DROSHA: variants seen among roughly 807,000 people sequenced by gnomAD.
The protein encoded by DROSHA is ribonuclease 3.
DROSHA carries 56 observed loss-of-function variants against 181.9 expected under a neutral mutation model. The ratio of observed to expected loss-of-function variants is 0.31; its 90% CI spans 0.25 to 0.38. DROSHA has a LOEUF of 0.38. Among genes scored for constraint, DROSHA ranks in the 10% least tolerant of loss-of-function variants. DROSHA has a pLI of 1.00. For synonymous variants in DROSHA, 524 were observed against 591.2 expected (o/e 0.89, Z 1.65); for missense variants, 1,218 against 1,743.5 (o/e 0.70, Z 5.37).
Position 31,412,385 on chromosome 5 carries a change from A to C in DROSHA, c.3526-1498T>G, listed in dbSNP as rs537091951. On this transcript the variant is annotated intron_variant, in intron 30 of 35. Transcript: ENST00000344624. ...GGACGAGGAACAGGAAGCAGCTGTGAGTTGTGCTGGTATTCCACTCCCTGC... is the reference window on the plus strand; with the variant it reads ...GGACGAGGAACAGGAAGCAGCTGTGCGTTGTGCTGGTATTCCACTCCCTGC... Among the ~76,000 whole-genome samples the C allele has an allele frequency of 3.9e-5, 6 of 152,316 alleles. No homozygotes were observed. The East Asian group carries it at 1.2e-3, about 29-fold the overall frequency.
intron 14 of DROSHA, among the ~76,000 whole-genome samples, chr5:31,485,862 A>G (rs1297852648): frequency 6.6e-6 from 1 of 152,094 alleles, no homozygotes; most frequent in Admixed American, 6.5e-5. Flanking sequence ...CCGGAAATTG[A>G]CCCTGACTCC....
At chr5:31,422,640 TG>T in intron 29 of DROSHA, 146 bp downstream of exon 29, 1 of 911,914 alleles carries the variant, frequency 1.1e-6, no homozygotes, top group Non-Finnish European at 1.6e-6. Flanking sequence ...AGGTCCACAC[TG>T]AGGTCTGTCT....
chr5:31,499,561 C>G (rs994259788), intron 11 of DROSHA, among the ~76,000 whole-genome samples: 12 of 149,456 alleles, frequency 8.0e-5, no homozygotes, highest in Non-Finnish European at 1.6e-4. Context: ...GTGTTTAAGA[C>G]TGTGGAGAAA....
chr5:31,496,035 G>T (rs149916762), intron 11 of DROSHA, among the ~76,000 whole-genome samples: 2 of 152,182 alleles, frequency 1.3e-5, no homozygotes, highest in African/African-American at 4.8e-5. Flanking sequence ...TGGTTGGGTG[G>T]TGGTTGTGTC....
At chr5:31,505,962 G>A (rs1324039727) in intron 10 of DROSHA, among the ~76,000 whole-genome samples, 2 of 152,150 alleles carry the variant, frequency 1.3e-5, no homozygotes, top group East Asian at 1.9e-4. Context: ...TAAAGATCCA[G>A]GTGGTACAGC....
At chr5:31,481,166 G>A (rs1008255581) in intron 16 of DROSHA, among the ~76,000 whole-genome samples, 4 of 151,928 alleles carry the variant, frequency 2.6e-5, no homozygotes, top group South Asian at 2.1e-4. Context: ...CAAATCAACC[G>A]TAATTTCCTA....
intron 17 of DROSHA, among the ~76,000 whole-genome samples, chr5:31,468,330 T>C (rs563417704): frequency 6.6e-6 from 1 of 152,342 alleles, no homozygotes; most frequent in African/African-American, 2.4e-5. Context: ...AAAATTAAAC[T>C]TTTAAAAGGA....
intron 4 of DROSHA, 73 bp downstream of exon 4, chr5:31,528,967 C>G: frequency 1.3e-6 from 2 of 1,585,548 alleles, no homozygotes; most frequent in Non-Finnish European, 1.7e-6. Context: ...TTTCCACCCT[C>G]TATAGCCCAG....
intron 20 of DROSHA, among the ~76,000 whole-genome samples, chr5:31,463,095 C>A (rs1449187600): frequency 6.6e-6 from 1 of 152,076 alleles, no homozygotes; most frequent in Non-Finnish European, 1.5e-5. Flanking sequence ...GATACGGCTT[C>A]AAATGGCCCT....
chr5:31,410,626 T>C (rs912891233), intron 31 of DROSHA, 120 bp downstream of exon 31: 2 of 1,399,246 alleles, frequency 1.4e-6, no homozygotes, highest in African/African-American at 2.9e-5. Context: ...CATAAAAAAT[T>C]AAAATAGCAA....
chr5:31,494,927 G>A (rs1752801793), intron 12 of DROSHA, among the ~76,000 whole-genome samples: 1 of 152,060 alleles, frequency 6.6e-6, no homozygotes, highest in African/African-American at 2.4e-5. Context: ...GCCCACCTCG[G>A]CCTCCCAAAG....
chr5:31,429,628 C>G, intron 26 of DROSHA, 83 bp from the exon 27 acceptor site: 2 of 1,178,778 alleles, frequency 1.7e-6, no homozygotes, highest in Non-Finnish European at 2.4e-6. Flanking sequence ...AAAGCAAAAA[C>G]GCAAGCCAAA....
At chr5:31,516,509 T>C (rs1739286693) in intron 6 of DROSHA, among the ~76,000 whole-genome samples, 1 of 152,232 alleles carries the variant, frequency 6.6e-6, no homozygotes, top group African/African-American at 2.4e-5. Flanking sequence ...TATGTATATA[T>C]ATGTGTGTAG....
At chr5:31,455,709 C>T (rs924377180) in intron 20 of DROSHA, among the ~76,000 whole-genome samples, 5 of 150,008 alleles carry the variant, frequency 3.3e-5, no homozygotes, top group South Asian at 2.1e-4. Context: ...GGCACTATCT[C>T]GGCTCACTGC....
intron 24 of DROSHA, among the ~76,000 whole-genome samples, chr5:31,436,778 ACAC>A (rs1744876640): frequency 6.8e-6 from 1 of 147,626 alleles, no homozygotes; most frequent in South Asian, 2.2e-4. Context: ...ACACACACAC[ACAC>A]ACACACACAC....
chr5:31,408,437 T>G (rs1280731797), intron 33 of DROSHA, among the ~76,000 whole-genome samples: 1 of 152,238 alleles, frequency 6.6e-6, no homozygotes, highest in Non-Finnish European at 1.5e-5. Context: ...ATAATTACTC[T>G]ACTTCAGAGC....
intron 28 of DROSHA, among the ~76,000 whole-genome samples, chr5:31,423,921 T>A (rs547947973): frequency 2.6e-5 from 4 of 152,308 alleles, no homozygotes; most frequent in African/African-American, 9.6e-5. Context: ...TGAAAAGCTA[T>A]CACACTATAC....
intron 16 of DROSHA, among the ~76,000 whole-genome samples, chr5:31,476,997 T>C (rs1750446365): frequency 6.6e-6 from 1 of 152,204 alleles, no homozygotes. Context: ...AATTTTTATC[T>C]TGTTGGCTGA....
chr5:31,486,655 C>T (rs555383273), intron 13 of DROSHA, 93 bp from the exon 14 acceptor site: 38 of 1,047,132 alleles, frequency 3.6e-5, no homozygotes, highest in Admixed American at 3.5e-4. Flanking sequence ...GGCCATGAAC[C>T]AAATGAGAAG....
Sources: gnomAD v4.1 joint callset for allele counts (sites outside exome capture counted in the v4.1 genomes callset) on GRCh38, gnomAD v4.1.1 for gene constraint, MANE v1.5 for transcripts, NCBI Gene and HGNC (gene_info 2026-07-23, HGNC 2026-07-21) for gene names.